Variants in NCKAP5 observed in about 807,000 individuals in gnomAD.
NCKAP5 encodes NCK associated protein 5.
A neutral mutation model predicts 167.0 loss-of-function variants in NCKAP5; 92 were observed. The observed-to-expected ratio is 0.55, with a 90% CI of 0.47 to 0.66. The LOEUF (loss-of-function observed/expected upper bound fraction) is 0.66, where lower values mean the gene tolerates loss of function less well. Ranked by LOEUF, NCKAP5 falls within the 30% of genes least tolerant of loss-of-function variation. The pLI is 0.00. For synonymous variants in NCKAP5, 891 were observed against 877.4 expected (o/e 1.02, Z -0.27); for missense variants, 2,378 against 2,315.0 (o/e 1.03, Z -0.56).
intron 15 of NCKAP5, among the ~76,000 whole-genome samples, chr2:132,776,291 C>T (rs1175338466): frequency 6.6e-6 from 1 of 152,174 alleles, no homozygotes; most frequent in Non-Finnish European, 1.5e-5. Context: ...GTATAATTCT[C>T]TGCTTCCCTT....
intron 13 of NCKAP5, among the ~76,000 whole-genome samples, chr2:132,788,159 G>C (rs1236931658): frequency 6.6e-6 from 1 of 152,198 alleles, no homozygotes; most frequent in African/African-American, 2.4e-5. Context: ...GGGAGTGATG[G>C]TGGGGAGGAG....
chr2:132,933,927 A>G (rs1696639993), intron 8 of NCKAP5, among the ~76,000 whole-genome samples: 1 of 152,212 alleles, frequency 6.6e-6, no homozygotes, highest in Admixed American at 6.5e-5. Flanking sequence ...AGCAGGATAA[A>G]TTGTCGAGAG....
At chr2:133,592,059 T>TACACAC in the NCKAP5 span, among the ~76,000 whole-genome samples, 27 of 150,634 alleles carry the variant, frequency 1.8e-4, no homozygotes, top group Non-Finnish European at 3.3e-4. Flanking sequence ...AGGATCATTC[T>TACACAC]ACACACACAC....
At chr2:133,401,522 C>T (rs1688097392) in intron 3 of NCKAP5, among the ~76,000 whole-genome samples, 1 of 152,086 alleles carries the variant, frequency 6.6e-6, no homozygotes. Context: ...AAGGTAGTTA[C>T]TGTCAGAATT....
intron 3 of NCKAP5, among the ~76,000 whole-genome samples, chr2:133,441,436 C>T (rs749691496): frequency 2.0e-5 from 3 of 152,154 alleles, no homozygotes; most frequent in Non-Finnish European, 4.4e-5. Context: ...AAAATTAAGG[C>T]TCTTCCAGCA....
In NCKAP5 at chr2:133,210,921, T is replaced by C. The variant is rs1456068214; in HGVS notation, c.207+2795A>G. Among the ~76,000 whole-genome samples, 3 of 152,280 alleles carry C rather than the reference T, an allele frequency of 2.0e-5. No individual in the cohort carries two copies. In the East Asian group the frequency reaches 5.8e-4, roughly 29 times the overall value. On this transcript the variant is annotated intron_variant, in intron 5 of 19. Transcript: ENST00000409261. Reference sequence around the variant, plus strand: ...TTAGGCCTTGTTAGAAGCCCTCCAATGGTTCCCATCTCTCAAAGCATGAGT... The same window carrying C: ...TTAGGCCTTGTTAGAAGCCCTCCAACGGTTCCCATCTCTCAAAGCATGAGT...
intron 3 of NCKAP5, among the ~76,000 whole-genome samples, chr2:133,369,662 A>C (rs140299629): frequency 2.8e-4 from 42 of 152,352 alleles, no homozygotes; most frequent in African/African-American, 8.9e-4. Context: ...AGACAAGTCA[A>C]TACCAATTAT....
In NCKAP5 at chr2:133,521,650, G is replaced by A. The variant is rs544543107; in HGVS notation, c.-61-4063C>T. 1.2e-4 allele frequency among the ~76,000 whole-genome samples: 18 copies of A among 152,266 alleles called. 1 individual carries two copies. In the South Asian group the frequency reaches 3.7e-3, roughly 32 times the overall value. On this transcript the variant is annotated intron_variant, in intron 2 of 19. Coordinates refer to ENST00000409261, the MANE Select transcript of NCKAP5 (RefSeq NM_207363.3). ...TGTCCTCACATGGCCTTTGCTTTGT[G>A]TGTGCACATCCCCATGTCTCTTCCT...
chr2:133,569,150 T>C (rs985108850), upstream of NCKAP5, among the ~76,000 whole-genome samples: 1 of 140,390 alleles, frequency 7.1e-6, no homozygotes, highest in African/African-American at 2.6e-5. Flanking sequence ...TCTAATAATC[T>C]CACAGAACAC....
chr2:133,490,567 G>T (rs895254010), intron 3 of NCKAP5, among the ~76,000 whole-genome samples: 1 of 152,164 alleles, frequency 6.6e-6, no homozygotes, highest in East Asian at 1.9e-4. Context: ...AAAGGCAAAA[G>T]ATCCCACCTA....
intron 6 of NCKAP5, among the ~76,000 whole-genome samples, chr2:133,119,938 G>T (rs1299516772): frequency 1.3e-5 from 2 of 151,936 alleles, no homozygotes; most frequent in Admixed American, 6.6e-5. Flanking sequence ...ATAACATAGG[G>T]AATGATTTTG....
intron 16 of NCKAP5, among the ~76,000 whole-genome samples, chr2:132,740,467 GT>G (rs965451907): frequency 2.0e-5 from 3 of 152,068 alleles, no homozygotes; most frequent in Non-Finnish European, 2.9e-5. Flanking sequence ...AAAAAACTAA[GT>G]CTGTTGCCAA....
intron 19 of NCKAP5, among the ~76,000 whole-genome samples, chr2:132,705,558 T>C (rs1688279549): frequency 6.6e-6 from 1 of 152,198 alleles, no homozygotes; most frequent in African/African-American, 2.4e-5. Context: ...AATCATAATC[T>C]ACGTTTAAAA....
intron 2 of NCKAP5, among the ~76,000 whole-genome samples, chr2:133,547,345 G>T (rs1031993981): frequency 3.9e-5 from 6 of 152,278 alleles, no homozygotes; most frequent in Middle Eastern, 3.4e-3. Context: ...AAACAAAGCA[G>T]CCAGGAAGCT....
chr2:132,970,128 T>C, intron 7 of NCKAP5, among the ~76,000 whole-genome samples: 1 of 152,180 alleles, frequency 6.6e-6, no homozygotes, highest in East Asian at 1.9e-4. Context: ...TTAGATAGAC[T>C]AGCAGTTGGA....
At chr2:133,333,437 C>G (rs1056868343) in intron 3 of NCKAP5, among the ~76,000 whole-genome samples, 1 of 152,098 alleles carries the variant, frequency 6.6e-6, no homozygotes, top group Non-Finnish European at 1.5e-5. Context: ...TGTTAATGCT[C>G]TCTGCTTTCT....
chr2:132,848,741 T>C (rs1688858555), intron 11 of NCKAP5, among the ~76,000 whole-genome samples: 1 of 152,220 alleles, frequency 6.6e-6, no homozygotes. Context: ...AAGGGTCACT[T>C]GAGCCTAGGA....
chr2:133,008,038 G>A (rs1244588645), intron 6 of NCKAP5, among the ~76,000 whole-genome samples: 2 of 152,154 alleles, frequency 1.3e-5, no homozygotes, highest in Non-Finnish European at 2.9e-5. Context: ...TGTGTGCATT[G>A]TGAGGACTGA....
chr2:133,019,584 T>G (rs2149386969), intron 6 of NCKAP5, among the ~76,000 whole-genome samples: 1 of 152,278 alleles, frequency 6.6e-6, no homozygotes, highest in East Asian at 1.9e-4. Context: ...TGAACTTGTA[T>G]CCCAAGAAAA....
Sources: allele counts gnomAD v4.1 joint callset (sites outside exome capture counted in the v4.1 genomes callset), GRCh38; gene constraint gnomAD v4.1.1; transcripts MANE v1.5; gene names NCBI Gene and HGNC (gene_info 2026-07-23, HGNC 2026-07-21).